SNX18: variants seen among roughly 807,000 people sequenced by gnomAD.
SNX18 encodes sorting nexin-18.
In SNX18, 35 loss-of-function variants were observed where a neutral mutation model predicts 48.7. That is an observed-to-expected ratio of 0.72 (90% CI 0.55 to 0.95). The LOEUF (loss-of-function observed/expected upper bound fraction) is 0.95, where lower values mean the gene tolerates loss of function less well. Ranked by LOEUF, SNX18 falls within the 40% of genes least tolerant of loss-of-function variation. The probability of loss-of-function intolerance (pLI) is 0.00; values close to 1 mark genes in which losing one functional copy is unlikely to be tolerated. For synonymous variants in SNX18, 492 were observed against 384.7 expected (o/e 1.28, Z -3.26); for missense variants, 824 against 871.0 (o/e 0.95, Z 0.68).
At chr5:54,634,535 T>A in the SNX18 span, among the ~76,000 whole-genome samples, 2 of 152,154 alleles carry the variant, frequency 1.3e-5, no homozygotes, top group South Asian at 2.1e-4. Flanking sequence ...TTTGCGATTT[T>A]TTTTTTCAGC....
the SNX18 span, among the ~76,000 whole-genome samples, chr5:54,567,712 A>C: frequency 1.1e-4 from 16 of 152,326 alleles, no homozygotes; most frequent in South Asian, 6.2e-4. Flanking sequence ...ACAAGGCAAG[A>C]TGACAAGTTT....
downstream of SNX18, among the ~76,000 whole-genome samples, chr5:54,550,987 A>G (rs951359760): frequency 6.6e-6 from 1 of 152,014 alleles, no homozygotes; most frequent in African/African-American, 2.4e-5. Context: ...AACTTACTGT[A>G]TTCCCTATTA....
chr5:54,537,005 T>A (rs1762369859), intron 1 of SNX18, among the ~76,000 whole-genome samples: 2 of 152,228 alleles, frequency 1.3e-5, no homozygotes, highest in Non-Finnish European at 2.9e-5. Context: ...TCTTCATGTG[T>A]CTGTCAGCTG....
Position 54,518,271 on chromosome 5 carries a change from C to T in SNX18, c.319C>T (p.Leu107=). Residue 107 remains leucine (L), a synonymous_variant, in exon 1 of 2, where the codon CTG becomes TTG. Transcript: ENST00000381410. ...FKPPPDAFQA[L]LQPQQAPPPS... ...GCCGCCGCCTGACGCCTTCCAGGCG[C>T]TGCTGCAGCCACAGCAGGCGCCGCC... 1 of 1,486,984 alleles carries T rather than the reference C, an allele frequency of 6.7e-7. No individual in the cohort carries two copies. Among genetic ancestry groups the T allele is most frequent in the South Asian group, 1.3e-5 (1 of 77,024 alleles). 92.1% of individuals were successfully genotyped at this position (1,486,984 alleles called of 1,614,324 possible). A position where few individuals can be genotyped will look rare whatever the true frequency, so the allele number is the denominator to read the frequency against.
chr5:54,622,218 G>A, the SNX18 span, among the ~76,000 whole-genome samples: 1 of 152,226 alleles, frequency 6.6e-6, no homozygotes, highest in Admixed American at 6.5e-5. Context: ...CAGCAACAGG[G>A]CCAGACATGG....
chr5:54,579,655 A>G, the SNX18 span, among the ~76,000 whole-genome samples: 2 of 152,186 alleles, frequency 1.3e-5, no homozygotes, highest in Non-Finnish European at 2.9e-5. Context: ...TACAGAGAGA[A>G]GTACACATGT....
At chr5:54,542,495 C>T (rs1451347033) in intron 1 of SNX18, among the ~76,000 whole-genome samples, 1 of 152,224 alleles carries the variant, frequency 6.6e-6, no homozygotes, top group Non-Finnish European at 1.5e-5. Context: ...GACATGTGTT[C>T]GCAATTCACC....
chr5:54,531,166 G>A (rs1762248328), intron 1 of SNX18, among the ~76,000 whole-genome samples: 1 of 152,076 alleles, frequency 6.6e-6, no homozygotes, highest in Non-Finnish European at 1.5e-5. Flanking sequence ...GAGATGAGGA[G>A]GCTCTTAGAG....
chr5:54,541,137 C>T (rs1222904811), intron 1 of SNX18, among the ~76,000 whole-genome samples: 1 of 152,100 alleles, frequency 6.6e-6, no homozygotes, highest in African/African-American at 2.4e-5. Flanking sequence ...AAGCGATTCT[C>T]CTGCCCCAAC....
At chr5:54,547,989 G>T (rs1326862574), downstream of SNX18, among the ~76,000 whole-genome samples, 1 of 152,204 alleles carries the variant, frequency 6.6e-6, no homozygotes, top group Non-Finnish European at 1.5e-5. Flanking sequence ...ATGCTGCTGT[G>T]CTAGGGCTCC....
the SNX18 span, among the ~76,000 whole-genome samples, chr5:54,647,975 T>C: frequency 6.6e-6 from 1 of 151,502 alleles, no homozygotes; most frequent in Non-Finnish European, 1.5e-5. Flanking sequence ...TGTGCGGAAT[T>C]GGTGGGTTCT....
At chr5:54,526,942 G>C (rs538860683) in intron 1 of SNX18, among the ~76,000 whole-genome samples, 1 of 151,844 alleles carries the variant, frequency 6.6e-6, no homozygotes, top group Non-Finnish European at 1.5e-5. Context: ...CAGGAGAGTC[G>C]TCCAAGCAGG....
chr5:54,577,757 G>C, the SNX18 span, among the ~76,000 whole-genome samples: 1 of 152,192 alleles, frequency 6.6e-6, no homozygotes, highest in African/African-American at 2.4e-5. Context: ...TGAAGCTCTG[G>C]AAAGGACACC....
chr5:54,614,672 G>A, the SNX18 span, among the ~76,000 whole-genome samples: 1 of 152,098 alleles, frequency 6.6e-6, no homozygotes, highest in African/African-American at 2.4e-5. Flanking sequence ...AAATTAGCCA[G>A]TCGTGGTGGT....
chr5:54,573,599 G>T, the SNX18 span, among the ~76,000 whole-genome samples: 1 of 152,216 alleles, frequency 6.6e-6, no homozygotes, highest in Non-Finnish European at 1.5e-5. Context: ...AAGTAGCAGA[G>T]ATGAAGATAA....
the SNX18 span, among the ~76,000 whole-genome samples, chr5:54,642,009 C>A: frequency 6.6e-6 from 1 of 152,158 alleles, no homozygotes; most frequent in Non-Finnish European, 1.5e-5. Context: ...TAATAAAAGG[C>A]TGACAGTGTC....
Position 54,543,726 on chromosome 5 carries a change from T to TA in SNX18, c.*295dup. 3.4e-6 allele frequency: 1 copy of TA among 297,718 alleles called. No homozygotes were observed. The highest frequency in any genetic ancestry group is 7.7e-5 in the East Asian group (1 of 12,962). 18.4% of individuals were successfully genotyped at this position (297,718 alleles called of 1,614,324 possible). ...GCCTTATTGCTTTTTGAAGTATGGGTATTTTAGTGCATACTTTGTAGACCT... is the reference window on the plus strand; with the variant it reads ...GCCTTATTGCTTTTTGAAGTATGGGTAATTTTAGTGCATACTTTGTAGACCT... On this transcript the variant is annotated 3_prime_UTR_variant, in exon 2 of 2. Coordinates refer to ENST00000381410, the MANE Select transcript of SNX18 (RefSeq NM_001102575.2).
At chr5:54,525,407 C>T (rs1053293250) in intron 1 of SNX18, among the ~76,000 whole-genome samples, 1 of 152,034 alleles carries the variant, frequency 6.6e-6, no homozygotes. Context: ...AGGGCGCTCT[C>T]CTTTGAAGGA....
the SNX18 span, among the ~76,000 whole-genome samples, chr5:54,632,510 C>T: frequency 6.6e-6 from 1 of 152,146 alleles, no homozygotes; most frequent in Non-Finnish European, 1.5e-5. Flanking sequence ...CAGCCCAGCA[C>T]ACACGCAGGC....
Sources: allele counts gnomAD v4.1 joint callset (sites outside exome capture counted in the v4.1 genomes callset), GRCh38; gene constraint gnomAD v4.1.1; transcripts MANE v1.5; gene names NCBI Gene and HGNC (gene_info 2026-07-23, HGNC 2026-07-21).